Variants in UGT1A6 observed in about 807,000 individuals in gnomAD.
UGT1A6 encodes UDP glucuronosyltransferase family 1 member A6, also known as UDP-glucuronosyltransferase 1A6.
A neutral mutation model predicts 44.4 loss-of-function variants in UGT1A6; 32 were observed. The observed-to-expected ratio is 0.72, with a 90% CI of 0.54 to 0.97. UGT1A6 has a LOEUF of 0.97. Among genes scored for constraint, UGT1A6 ranks in the 50% least tolerant of loss-of-function variants. The pLI, the probability that UGT1A6 is intolerant of heterozygous loss-of-function variation, is 0.00. For synonymous variants in UGT1A6, 238 were observed against 248.5 expected (o/e 0.96, Z 0.40); for missense variants, 685 against 661.9 (o/e 1.03, Z -0.38).
intron 1 of UGT1A6, among the ~76,000 whole-genome samples, chr2:233,728,307 G>A (rs539087597): frequency 3.9e-5 from 6 of 152,202 alleles, no homozygotes; most frequent in Admixed American, 1.3e-4. Context: ...GACTGTGCAA[G>A]ATCTGAGGCC....
chr2:233,745,084 T>A (rs1035924071), intron 1 of UGT1A6, among the ~76,000 whole-genome samples: 1 of 151,944 alleles, frequency 6.6e-6, no homozygotes, highest in African/African-American at 2.4e-5. Flanking sequence ...TTTTCATTGC[T>A]CTTCCCCCCA....
intron 1 of UGT1A6, chr2:233,743,388 GCA>G (rs1174910431): frequency 8.1e-7 from 1 of 1,233,944 alleles, no homozygotes; most frequent in Non-Finnish European, 1.1e-6. Context: ...CGTAGGACAT[GCA>G]GAAGGAAGAA....
rs1700550543 is a variant in UGT1A6, at chr2:233,772,835, G to A, written c.*276G>A. ...GACGTGCAGACAGGCTGGCATTCTA[G>A]ATTACTTTTCTTACTCTGAAACATG... On this transcript the variant is annotated 3_prime_UTR_variant, in exon 5 of 5. Transcript: ENST00000305139. 1.1e-6 allele frequency: 1 copy of A among 887,832 alleles called. No individual in the cohort carries two copies. Among genetic ancestry groups the A allele is most frequent in the Non-Finnish European group, 1.6e-6 (1 of 638,112 alleles). The allele number at this position is 887,832 out of a possible 1,614,324, so 55.0% of individuals were successfully genotyped here. A position where few individuals can be genotyped will look rare whatever the true frequency, so the allele number is the denominator to read the frequency against.
At chr2:233,739,701 C>T (rs1691179218) in intron 1 of UGT1A6, among the ~76,000 whole-genome samples, 1 of 152,172 alleles carries the variant, frequency 6.6e-6, no homozygotes, top group Non-Finnish European at 1.5e-5. Flanking sequence ...ATTTTACAGG[C>T]TCATGGGGGA....
intron 1 of UGT1A6, among the ~76,000 whole-genome samples, chr2:233,725,586 A>G (rs1194596370): frequency 6.6e-6 from 1 of 152,166 alleles, no homozygotes; most frequent in East Asian, 1.9e-4. Context: ...TTATGACTTA[A>G]CTATTTGACA....
At chr2:233,759,133 C>T (rs973211945) in intron 1 of UGT1A6, among the ~76,000 whole-genome samples, 1 of 152,206 alleles carries the variant, frequency 6.6e-6, no homozygotes, top group African/African-American at 2.4e-5. Flanking sequence ...CTCTGGTACG[C>T]AATGAAGGTG....
chr2:233,697,784 C>A (rs1333897436), intron 1 of UGT1A6, among the ~76,000 whole-genome samples: 1 of 151,880 alleles, frequency 6.6e-6, no homozygotes, highest in African/African-American at 2.4e-5. Context: ...CATTTTCATT[C>A]GTTTCAAGTA....
intron 1 of UGT1A6, among the ~76,000 whole-genome samples, chr2:233,724,264 C>A (rs1250827727): frequency 1.7e-5 from 2 of 116,566 alleles, no homozygotes; most frequent in East Asian, 2.8e-4. Flanking sequence ...ACCTCCCGGA[C>A]GGGGCGGCTG....
intron 1 of UGT1A6, among the ~76,000 whole-genome samples, chr2:233,709,785 C>T (rs1208150066): frequency 2.0e-5 from 3 of 152,036 alleles, no homozygotes; most frequent in East Asian, 1.9e-4. Context: ...TAAAGTGCAC[C>T]GTTTTAATGA....
chr2:233,722,730 C>T (rs1168734354), intron 1 of UGT1A6, among the ~76,000 whole-genome samples: 1 of 151,932 alleles, frequency 6.6e-6, no homozygotes, highest in Non-Finnish European at 1.5e-5. Flanking sequence ...TTAAATTTCT[C>T]CTTTGATGCA....
At chr2:233,761,529 T>C (rs1208884408) in intron 1 of UGT1A6, among the ~76,000 whole-genome samples, 1 of 152,248 alleles carries the variant, frequency 6.6e-6, no homozygotes, top group Non-Finnish European at 1.5e-5. Flanking sequence ...TCAGGACTGA[T>C]GAAATCATTC....
chr2:233,765,208 G>C (rs1325678271), intron 1 of UGT1A6, among the ~76,000 whole-genome samples: 1 of 152,132 alleles, frequency 6.6e-6, no homozygotes, highest in Non-Finnish European at 1.5e-5. Flanking sequence ...AGTGCCCTCA[G>C]TATTCTTTGC....
At chr2:233,764,893 C>A (rs1252796776) in intron 1 of UGT1A6, among the ~76,000 whole-genome samples, 1 of 150,656 alleles carries the variant, frequency 6.6e-6, no homozygotes, top group Non-Finnish European at 1.5e-5. Flanking sequence ...AAAGACAAAG[C>A]CCTTAAGAGC....
chr2:233,703,466 A>G (rs2075740155), intron 1 of UGT1A6, among the ~76,000 whole-genome samples: 1 of 151,304 alleles, frequency 6.6e-6, no homozygotes, highest in African/African-American at 2.4e-5. Context: ...TCTATTCTTT[A>G]TTATTTTCTG....
chr2:233,707,538 CTTT>C (rs753963758), intron 1 of UGT1A6, among the ~76,000 whole-genome samples: 1 of 126,988 alleles, frequency 7.9e-6, no homozygotes, highest in Non-Finnish European at 1.7e-5. Context: ...TTTGTCTTGC[CTTT>C]TTTTTTTTTT....
chr2:233,750,940 C>A (rs1694595221), intron 1 of UGT1A6, among the ~76,000 whole-genome samples: 1 of 151,854 alleles, frequency 6.6e-6, no homozygotes, highest in Non-Finnish European at 1.5e-5. Flanking sequence ...TTGGAGCCCC[C>A]ACACAGAGTC....
chr2:233,730,403 A>G (rs1043084681), intron 1 of UGT1A6, among the ~76,000 whole-genome samples: 1 of 152,216 alleles, frequency 6.6e-6, no homozygotes, highest in Non-Finnish European at 1.5e-5. Context: ...GTAAATTACA[A>G]TTGTTGACAT....
At chr2:233,758,789 A>G (rs1481427299) in intron 1 of UGT1A6, among the ~76,000 whole-genome samples, 3 of 152,222 alleles carry the variant, frequency 2.0e-5, no homozygotes, top group Admixed American at 6.5e-5. Context: ...CTGTGCAGTT[A>G]TCTTGGAATT....
At position 233,772,264 on chromosome 2, in the gene UGT1A6, A is replaced by T. The variant is rs766626435; in HGVS notation, c.1304A>T (p.Tyr435Phe). ...AACGAAACTGTCTTTGTGTTTAGTTACAAGGAGAACATCATGCGCCTCTCC... is the reference window on the plus strand; with the variant it reads ...AACGAAACTGTCTTTGTGTTTAGTTTCAAGGAGAACATCATGCGCCTCTCC... ...ALKAVINDKSYKENIMRLSSL... is the reference protein window; with the variant it reads ...ALKAVINDKSFKENIMRLSSL... The change falls in exon 5 of 5, where the codon TAC (tyrosine) becomes TTC (phenylalanine). Residue 435 changes from tyrosine (Y) to phenylalanine (F), a missense_variant and splice_region_variant. Transcript: ENST00000305139. 1.9e-6 allele frequency: 3 copies of T among 1,614,262 alleles called. No individual in the cohort carries two copies. Among genetic ancestry groups the T allele is most frequent in the Non-Finnish European group, 2.5e-6 (3 of 1,180,060 alleles).
Sources: allele counts gnomAD v4.1 joint callset (sites outside exome capture counted in the v4.1 genomes callset), GRCh38; gene constraint gnomAD v4.1.1; transcripts MANE v1.5; gene names NCBI Gene and HGNC (gene_info 2026-07-23, HGNC 2026-07-21).